The following HCN1 variants were observed in gnomAD, a reference collection of about 807,000 sequenced individuals.
HCN1 encodes potassium/sodium hyperpolarization-activated cyclic nucleotide-gated channel 1.
In HCN1, 13 loss-of-function variants were observed where a neutral mutation model predicts 78.9. The observed-to-expected ratio is 0.16, with a 90% CI of 0.11 to 0.26. The LOEUF is 0.26. HCN1 is among the 10% of genes least tolerant of loss of function. The pLI is 1.00. For synonymous variants in HCN1, 552 were observed against 455.5 expected (o/e 1.21, Z -2.70); for missense variants, 810 against 1,154.3 (o/e 0.70, Z 4.32).
At chr5:45,677,977 TACACACACACATACAC>T (rs1739619828) in intron 1 of HCN1, among the ~76,000 whole-genome samples, 1 of 145,146 alleles carries the variant, frequency 6.9e-6, no homozygotes, top group Non-Finnish European at 1.5e-5. Flanking sequence ...ATTAAACACA[TACACACACACATACAC>T]ACACACACAC....
intron 6 of HCN1, among the ~76,000 whole-genome samples, chr5:45,283,796 C>G (rs967390392): frequency 6.6e-6 from 1 of 152,060 alleles, no homozygotes; most frequent in African/African-American, 2.4e-5. Context: ...ACCGCATATA[C>G]ACCAAGAGGA....
At chr5:45,271,906 T>G (rs2111854037) in intron 6 of HCN1, among the ~76,000 whole-genome samples, 1 of 152,260 alleles carries the variant, frequency 6.6e-6, no homozygotes, top group Admixed American at 6.5e-5. Context: ...ATTACCTTGC[T>G]GCATGTCCTC....
chr5:45,626,754 C>T (rs933732461), intron 2 of HCN1, among the ~76,000 whole-genome samples: 6 of 152,026 alleles, frequency 3.9e-5, no homozygotes, highest in Non-Finnish European at 7.4e-5. Flanking sequence ...TTGAAAGGGT[C>T]AGCAGGGAAT....
intron 5 of HCN1, among the ~76,000 whole-genome samples, chr5:45,306,214 A>G (rs1033928348): frequency 6.6e-6 from 1 of 152,114 alleles, no homozygotes; most frequent in East Asian, 1.9e-4. Context: ...AAGAGTTTTC[A>G]TATAAAAATA....
At chr5:45,687,088 A>G (rs1739823337) in intron 1 of HCN1, among the ~76,000 whole-genome samples, 1 of 152,152 alleles carries the variant, frequency 6.6e-6, no homozygotes, top group Non-Finnish European at 1.5e-5. Flanking sequence ...TTCTCTCAGA[A>G]TTTTGCAGAC....
At chr5:45,396,316 T>G (rs1579866846) in intron 4 of HCN1, among the ~76,000 whole-genome samples, 176 bp downstream of exon 4, 1 of 152,122 alleles carries the variant, frequency 6.6e-6, no homozygotes, top group South Asian at 2.1e-4. Context: ...GCAAAAGATA[T>G]GAGAACTATC....
At chr5:45,536,005 T>A (rs913846787) in intron 2 of HCN1, among the ~76,000 whole-genome samples, 5 of 152,148 alleles carry the variant, frequency 3.3e-5, no homozygotes, top group Non-Finnish European at 7.4e-5. Flanking sequence ...TTGGTTGTTG[T>A]TTTTTAGTTT....
At chr5:45,539,277 T>C (rs905485467) in intron 2 of HCN1, among the ~76,000 whole-genome samples, 60 of 151,970 alleles carry the variant, frequency 3.9e-4, no homozygotes, top group Non-Finnish European at 2.9e-5. Flanking sequence ...ATATGGTCTA[T>C]TGTTATTTAC....
intron 5 of HCN1, among the ~76,000 whole-genome samples, chr5:45,319,938 C>T (rs553938504): frequency 2.6e-4 from 40 of 151,754 alleles, no homozygotes; most frequent in Non-Finnish European, 5.6e-4. Context: ...AGTCCAATTT[C>T]GTGAAACCTC....
intron 6 of HCN1, among the ~76,000 whole-genome samples, chr5:45,267,469 A>C (rs1744882103): frequency 6.6e-6 from 1 of 152,002 alleles, no homozygotes; most frequent in Admixed American, 6.6e-5. Flanking sequence ...GTTTTAAAAA[A>C]AAAAAAAACA....
intron 6 of HCN1, among the ~76,000 whole-genome samples, chr5:45,301,950 T>C (rs956162777): frequency 6.6e-6 from 1 of 151,934 alleles, no homozygotes; most frequent in Non-Finnish European, 1.5e-5. Flanking sequence ...AACATTCCTA[T>C]AAATTAGATT....
intron 2 of HCN1, among the ~76,000 whole-genome samples, chr5:45,607,605 A>C (rs2111973405): frequency 6.7e-6 from 1 of 149,678 alleles, no homozygotes; most frequent in South Asian, 2.1e-4. Flanking sequence ...ATCTATAGAT[A>C]GATCCAGATA....
chr5:45,620,701 C>G (rs1195507745), intron 2 of HCN1, among the ~76,000 whole-genome samples: 1 of 151,966 alleles, frequency 6.6e-6, no homozygotes, highest in Non-Finnish European at 1.5e-5. Context: ...ATAGCCTCCC[C>G]CTCCACTTCA....
intron 3 of HCN1, among the ~76,000 whole-genome samples, chr5:45,401,022 T>C (rs2112044950): frequency 6.6e-6 from 1 of 152,330 alleles, no homozygotes; most frequent in African/African-American, 2.4e-5. Context: ...TCAGTCATTT[T>C]TTCCATTGTT....
intron 2 of HCN1, among the ~76,000 whole-genome samples, chr5:45,566,717 G>A (rs915626988): frequency 6.6e-6 from 1 of 152,176 alleles, no homozygotes. Context: ...GTCCTCATAC[G>A]TAAGTGAAAT....
At chr5:45,329,428 G>T (rs921867559) in intron 5 of HCN1, among the ~76,000 whole-genome samples, 2 of 151,398 alleles carry the variant, frequency 1.3e-5, no homozygotes, top group Non-Finnish European at 3.0e-5. Flanking sequence ...TGGTGGTGTA[G>T]GGAGTGGGGG....
chr5:45,648,009 C>A (rs1240358953), intron 1 of HCN1, among the ~76,000 whole-genome samples: 1 of 152,060 alleles, frequency 6.6e-6, no homozygotes, highest in African/African-American at 2.4e-5. Context: ...TTTACATTTT[C>A]TAACCTGTTC....
intron 2 of HCN1, among the ~76,000 whole-genome samples, chr5:45,482,069 T>C (rs547815792): frequency 8.5e-5 from 13 of 152,318 alleles, no homozygotes; most frequent in African/African-American, 3.1e-4. Context: ...CAATTGCCAA[T>C]CTGTTTCCTT....
intron 2 of HCN1, among the ~76,000 whole-genome samples, chr5:45,514,972 G>C (rs1742489403): frequency 6.6e-6 from 1 of 151,756 alleles, no homozygotes; most frequent in Non-Finnish European, 1.5e-5. Context: ...AGTGTTTTTA[G>C]ATGTTTTTAT....
Sources: allele counts gnomAD v4.1 joint callset (sites outside exome capture counted in the v4.1 genomes callset), GRCh38; gene constraint gnomAD v4.1.1; transcripts MANE v1.5; gene names NCBI Gene and HGNC (gene_info 2026-07-23, HGNC 2026-07-21).